The following NXPE2 variants were observed in gnomAD, a reference collection of about 807,000 sequenced individuals.
NXPE2 encodes neurexophilin and PC-esterase domain family member 2.
Under a neutral mutation model 34.4 loss-of-function variants are expected in NXPE2, and 34 were observed. The ratio of observed to expected loss-of-function variants is 0.99; its 90% CI spans 0.75 to 1.31. The LOEUF is 1.31. Ranked by LOEUF, NXPE2 falls within the 40% of genes most tolerant of loss-of-function variation. The pLI is 0.00. For missense variants in NXPE2, 649 were observed against 672.5 expected, an observed-to-expected ratio of 0.97 and a Z score of 0.39; for synonymous variants, 235 against 231.3, an observed-to-expected ratio of 1.02 and a Z score of -0.15.
chr11:114,606,110 T>C, the NXPE2 span, among the ~76,000 whole-genome samples: 1 of 150,928 alleles, frequency 6.6e-6, no homozygotes, highest in African/African-American at 2.4e-5. Flanking sequence ...GCCACTGTTA[T>C]CTGGTGGATA....
At chr11:114,545,539 A>G in the NXPE2 span, among the ~76,000 whole-genome samples, 1 of 152,218 alleles carries the variant, frequency 6.6e-6, no homozygotes, top group African/African-American at 2.4e-5. Flanking sequence ...TCAAAAACCA[A>G]TCAATGGTTG....
chr11:114,797,991 C>G, the NXPE2 span, among the ~76,000 whole-genome samples: 3 of 152,148 alleles, frequency 2.0e-5, no homozygotes. Context: ...CATGGTTAAA[C>G]TGAGAAACAA....
the NXPE2 span, among the ~76,000 whole-genome samples, chr11:114,639,939 A>C: frequency 9.0e-6 from 1 of 111,198 alleles, no homozygotes; most frequent in African/African-American, 3.7e-5. Context: ...ATTATATTAA[A>C]TATAACATAA....
the NXPE2 span, chr11:114,554,041 C>T: frequency 1.0e-6 from 1 of 985,444 alleles, no homozygotes. Flanking sequence ...ACTTTTTCTT[C>T]TCCCCATCTT....
the NXPE2 span, among the ~76,000 whole-genome samples, chr11:114,782,108 T>C: frequency 9.2e-5 from 14 of 152,334 alleles, no homozygotes; most frequent in African/African-American, 3.1e-4. Flanking sequence ...GTAAATGCTA[T>C]GTAAATAGCT....
At chr11:114,735,664 C>T in the NXPE2 span, among the ~76,000 whole-genome samples, 4 of 152,142 alleles carry the variant, frequency 2.6e-5, no homozygotes, top group Non-Finnish European at 5.9e-5. Flanking sequence ...TTTTCCTCAA[C>T]ATCATGTAAA....
At chr11:114,540,640 T>C in the NXPE2 span, among the ~76,000 whole-genome samples, 1 of 152,108 alleles carries the variant, frequency 6.6e-6, no homozygotes, top group East Asian at 1.9e-4. Context: ...TCTTTCAGAT[T>C]GCAATGTTCA....
At chr11:114,779,373 G>A in the NXPE2 span, among the ~76,000 whole-genome samples, 1 of 152,176 alleles carries the variant, frequency 6.6e-6, no homozygotes, top group Non-Finnish European at 1.5e-5. Flanking sequence ...GGCTTGAGCC[G>A]ATGCTATGAC....
the NXPE2 span, among the ~76,000 whole-genome samples, chr11:114,534,892 C>G: frequency 6.6e-6 from 1 of 152,182 alleles, no homozygotes; most frequent in Admixed American, 6.5e-5. Context: ...CCCAATCTAG[C>G]AAGGCAGGCC....
At chr11:114,669,865 A>G in the NXPE2 span, among the ~76,000 whole-genome samples, 1 of 152,102 alleles carries the variant, frequency 6.6e-6, no homozygotes, top group Admixed American at 6.6e-5. Flanking sequence ...AACACTAAGC[A>G]TGTGGGAGTT....
At chr11:114,691,851 C>A (rs1472329561) in intron 2 of NXPE2, among the ~76,000 whole-genome samples, 1 of 152,198 alleles carries the variant, frequency 6.6e-6, no homozygotes, top group Non-Finnish European at 1.5e-5. Context: ...CTCCATTCTA[C>A]TTCTTGGAGC....
the NXPE2 span, among the ~76,000 whole-genome samples, chr11:114,588,519 T>C: frequency 3.9e-5 from 6 of 152,104 alleles, no homozygotes; most frequent in Non-Finnish European, 8.8e-5. Context: ...ATGAGCAATA[T>C]GTCTCCTATA....
the NXPE2 span, among the ~76,000 whole-genome samples, chr11:114,577,060 T>TATATATATAAAGTTATATATATATATAC: frequency 1.7e-4 from 8 of 48,386 alleles, no homozygotes; most frequent in African/African-American, 6.9e-4. Context: ...TATATATACA[T>TATATATATAAAGTTATATATATATATAC]ATATATATAT....
the NXPE2 span, among the ~76,000 whole-genome samples, chr11:114,774,310 A>G: frequency 6.6e-6 from 1 of 152,230 alleles, no homozygotes; most frequent in Admixed American, 6.5e-5. Flanking sequence ...TTGTTACTCC[A>G]GGTGTACTCT....
At chr11:114,532,481 A>T in the NXPE2 span, among the ~76,000 whole-genome samples, 185 of 152,318 alleles carry the variant, frequency 1.2e-3, no homozygotes, top group Middle Eastern at 3.4e-3. Flanking sequence ...GAATATAATC[A>T]TCATGATGAT....
chr11:114,579,989 T>A, the NXPE2 span: 178 of 689,632 alleles, frequency 2.6e-4, no homozygotes, highest in South Asian at 8.0e-4. Flanking sequence ...AAAGGAAGGA[T>A]AACAATGCCT....
chr11:114,481,313 A>C, the NXPE2 span, among the ~76,000 whole-genome samples: 5 of 152,332 alleles, frequency 3.3e-5, no homozygotes, highest in South Asian at 1.0e-3. Context: ...GTTTCAAAGT[A>C]AGCCTAGCAC....
chr11:114,802,885 G>A, the NXPE2 span, among the ~76,000 whole-genome samples: 3 of 132,102 alleles, frequency 2.3e-5, no homozygotes, highest in Admixed American at 7.9e-5. Context: ...AATGAGTCAT[G>A]GAAATAAAAA....
chr11:114,594,732 A>T, the NXPE2 span: 9 of 1,589,074 alleles, frequency 5.7e-6, no homozygotes, highest in Non-Finnish European at 7.7e-6. Flanking sequence ...GCCAATAGTG[A>T]CTTATAATTT....
Sources: allele counts gnomAD v4.1 joint callset (sites outside exome capture counted in the v4.1 genomes callset), GRCh38; gene constraint gnomAD v4.1.1; transcripts MANE v1.5; gene names NCBI Gene and HGNC (gene_info 2026-07-23, HGNC 2026-07-21).